MYRIP: variants seen among roughly 807,000 people sequenced by gnomAD.
The protein encoded by MYRIP is myosin VIIA and Rab interacting protein, also known as rab effector MyRIP.
A neutral mutation model predicts 98.0 loss-of-function variants in MYRIP; 49 were observed. The observed-to-expected ratio is 0.50, with a 90% CI of 0.40 to 0.63. The LOEUF (loss-of-function observed/expected upper bound fraction) is 0.63, where lower values mean the gene tolerates loss of function less well. Ranked by LOEUF, MYRIP falls within the 30% of genes least tolerant of loss-of-function variation. The pLI, the probability that MYRIP is intolerant of heterozygous loss-of-function variation, is 0.00. For synonymous variants in MYRIP, 404 were observed against 409.5 expected, an observed-to-expected ratio of 0.99 and a Z score of 0.16; for missense variants, 1,004 against 1,058.2, an observed-to-expected ratio of 0.95 and a Z score of 0.71.
intron 3 of MYRIP, among the ~76,000 whole-genome samples, chr3:40,085,369 C>T (rs1948605838): frequency 6.6e-6 from 1 of 152,202 alleles, no homozygotes; most frequent in South Asian, 2.1e-4. Flanking sequence ...CCACTGCAAC[C>T]TCCATCTCCC....
At chr3:39,887,971 G>C (rs1250039696) in intron 1 of MYRIP, among the ~76,000 whole-genome samples, 1 of 150,638 alleles carries the variant, frequency 6.6e-6, no homozygotes, top group Non-Finnish European at 1.5e-5. Flanking sequence ...CAACTTACAA[G>C]GGACGTGAAG....
intron 1 of MYRIP, among the ~76,000 whole-genome samples, chr3:39,877,790 G>A (rs1943042279): frequency 6.6e-6 from 1 of 152,186 alleles, no homozygotes; most frequent in African/African-American, 2.4e-5. Context: ...TCGGGGGTCA[G>A]GGGTCAGGGA....
chr3:39,821,714 CTT>C (rs1328140905), intron 1 of MYRIP, among the ~76,000 whole-genome samples: 2 of 151,880 alleles, frequency 1.3e-5, no homozygotes, highest in African/African-American at 4.8e-5. Context: ...TCTTCTTTGA[CTT>C]ATGACTTATA....
intron 2 of MYRIP, among the ~76,000 whole-genome samples, chr3:40,024,977 G>T (rs1274093305): frequency 2.0e-5 from 3 of 152,158 alleles, no homozygotes; most frequent in Non-Finnish European, 4.4e-5. Flanking sequence ...ATTTATTTCT[G>T]CAACAAGCAT....
At chr3:40,132,682 C>A (rs754845863) in intron 3 of MYRIP, among the ~76,000 whole-genome samples, 3 of 152,258 alleles carry the variant, frequency 2.0e-5, no homozygotes, top group Non-Finnish European at 4.4e-5. Flanking sequence ...TACTACCTAG[C>A]CTTTCCTTTT....
In MYRIP at chr3:40,259,221, C is replaced by G. The variant is rs951040639; in HGVS notation, c.*1055C>G. 1.3e-5 allele frequency: 2 copies of G among 152,280 alleles called. No individual in the cohort carries two copies. Among genetic ancestry groups the G allele is most frequent in the African/African-American group, 2.4e-5 (1 of 41,556 alleles). 9.4% of individuals were successfully genotyped at this position (152,280 alleles called of 1,614,324 possible). On this transcript the variant is annotated 3_prime_UTR_variant, in exon 17 of 17. Coordinates refer to ENST00000302541, the MANE Select transcript of MYRIP (RefSeq NM_015460.4). ...ATGGACACAAGAATTGACTCTAACT[C>G]CATGTCTGTGGTTTCTTTGAACCCA... is the stretch of plus-strand genomic sequence containing the variant.
intron 3 of MYRIP, among the ~76,000 whole-genome samples, chr3:40,125,023 T>G (rs968933742): frequency 6.6e-6 from 1 of 152,188 alleles, no homozygotes; most frequent in East Asian, 1.9e-4. Context: ...AAGTGAGGAT[T>G]AATAAAGTGC....
intron 3 of MYRIP, among the ~76,000 whole-genome samples, chr3:40,063,047 A>G (rs59840635): frequency 0.55 from 84,101 of 152,054 alleles, 23,470 homozygotes; most frequent in East Asian, 0.78. Context: ...CTTATGTACC[A>G]TGAGAGACAA....
At chr3:39,933,501 C>A (rs1476234937) in intron 2 of MYRIP, among the ~76,000 whole-genome samples, 1 of 152,298 alleles carries the variant, frequency 6.6e-6, no homozygotes, top group South Asian at 2.1e-4. Flanking sequence ...TGGTTGTGTT[C>A]TGCATTTCAC....
At chr3:40,244,740 C>T (rs1953134839) in intron 13 of MYRIP, 133 bp downstream of exon 13, 1 of 998,978 alleles carries the variant, frequency 1.0e-6, no homozygotes, top group South Asian at 2.0e-5. Context: ...TGGATACAGT[C>T]CTTCCAGATG....
At chr3:40,050,821 C>T (rs1205778533) in intron 3 of MYRIP, among the ~76,000 whole-genome samples, 1 of 152,086 alleles carries the variant, frequency 6.6e-6, no homozygotes, top group East Asian at 1.9e-4. Context: ...CCAGCCCACA[C>T]TGATGACTTT....
At chr3:39,912,024 C>T (rs1038326106) in intron 2 of MYRIP, among the ~76,000 whole-genome samples, 1 of 149,504 alleles carries the variant, frequency 6.7e-6, no homozygotes, top group Admixed American at 6.7e-5. Context: ...CCTGTCCTAG[C>T]CCAAAGACTT....
intron 2 of MYRIP, among the ~76,000 whole-genome samples, chr3:39,972,420 T>A (rs1485600162): frequency 6.6e-6 from 1 of 152,098 alleles, no homozygotes; most frequent in Non-Finnish European, 1.5e-5. Flanking sequence ...GGATATGATT[T>A]TAAAGTATCA....
At chr3:39,869,781 A>G (rs1325675804) in intron 1 of MYRIP, among the ~76,000 whole-genome samples, 1 of 152,118 alleles carries the variant, frequency 6.6e-6, no homozygotes, top group African/African-American at 2.4e-5. Context: ...CAAACTCCTC[A>G]TCTCCCTCAG....
At chr3:40,020,445 A>G (rs1473193962) in intron 2 of MYRIP, among the ~76,000 whole-genome samples, 2 of 152,206 alleles carry the variant, frequency 1.3e-5, no homozygotes, top group African/African-American at 4.8e-5. Flanking sequence ...TCTTTGGTCC[A>G]ACGCCCTGGC....
intron 11 of MYRIP, among the ~76,000 whole-genome samples, chr3:40,217,710 T>G (rs988427656): frequency 1.3e-5 from 2 of 152,132 alleles, no homozygotes; most frequent in Non-Finnish European, 2.9e-5. Context: ...AAAATGAAAT[T>G]GATTTTCATC....
intron 1 of MYRIP, among the ~76,000 whole-genome samples, chr3:39,852,304 C>T (rs1942152960): frequency 1.3e-5 from 2 of 152,172 alleles, no homozygotes. Context: ...GGCTGCAGAG[C>T]ACACCTCTGG....
chr3:40,183,824 T>C (rs1266785384), intron 9 of MYRIP, among the ~76,000 whole-genome samples: 1 of 152,202 alleles, frequency 6.6e-6, no homozygotes, highest in African/African-American at 2.4e-5. Context: ...ATCCTAGTAA[T>C]AAGCTTTTAA....
At chr3:39,872,174 A>C (rs1318821528) in intron 1 of MYRIP, among the ~76,000 whole-genome samples, 1 of 152,050 alleles carries the variant, frequency 6.6e-6, no homozygotes, top group Non-Finnish European at 1.5e-5. Flanking sequence ...TCTGATTATA[A>C]AGTTAATGAA....
Sources: allele counts gnomAD v4.1 joint callset (sites outside exome capture counted in the v4.1 genomes callset), GRCh38; gene constraint gnomAD v4.1.1; transcripts MANE v1.5; gene names NCBI Gene and HGNC (gene_info 2026-07-23, HGNC 2026-07-21).